Variants in VWDE observed in about 807,000 individuals in gnomAD.
VWDE encodes von Willebrand factor D and EGF domain-containing protein.
A neutral mutation model predicts 178.4 loss-of-function variants in VWDE; 207 were observed. The ratio of observed to expected loss-of-function variants is 1.16; its 90% CI spans 1.04 to 1.30. VWDE has a LOEUF of 1.30. Among genes scored for constraint, VWDE ranks in the 50% most tolerant of loss-of-function variants. VWDE has a pLI of 0.00. For synonymous variants in VWDE, 738 were observed against 651.4 expected (o/e 1.13, Z -2.02); for missense variants, 2,287 against 1,901.3 (o/e 1.20, Z -3.77).
chr7:12,337,952 G>A (rs73292371), intron 24 of VWDE, among the ~76,000 whole-genome samples: 2,839 of 152,146 alleles, frequency 0.019, 83 homozygotes, highest in African/African-American at 0.064. Context: ...GAAATTAAAT[G>A]CAGGCATTTC....
chr7:12,333,152 G>C (rs1780822173), intron 28 of VWDE, among the ~76,000 whole-genome samples: 1 of 152,116 alleles, frequency 6.6e-6, no homozygotes, highest in African/African-American at 2.4e-5. Context: ...ATGTTTTATA[G>C]CACTGGCCCT....
In VWDE at chr7:12,370,786, C is replaced by T. The variant is rs1583317965; in HGVS notation, c.1666G>A (p.Val556Ile). 1 of 1,551,166 alleles carries T rather than the reference C, an allele frequency of 6.4e-7. No individual in the cohort carries two copies. The highest frequency in any genetic ancestry group is 8.7e-7 in the Non-Finnish European group (1 of 1,146,720). ...GMSLTIRAPS[V>I]DYRNTLGLCG... is the part of the protein sequence containing the mutation. ...AGTCCCAGAGTGTTTCTGTAATCTA[C>T]ACTAGGGGCTCTGATCGTTAGACTC... Residue 556 changes from valine (V) to isoleucine (I), a missense_variant, in exon 11 of 29, where the codon GTA becomes ATA. By Grantham distance (29) the Val-to-Ile change is conservative (BLOSUM62 3). Transcript: ENST00000275358.
At position 12,356,171 on chromosome 7, in the gene VWDE, G is replaced by C. The variant is rs1163058830; in HGVS notation, c.3685C>G (p.Leu1229Val). The C allele has an allele frequency of 1.5e-5, 23 of 1,551,340 alleles. No individual in the cohort carries two copies. In the East Asian group the frequency reaches 5.4e-4, roughly 36 times the overall value. ...TGAAAACCACTAATATAGCTGCCAA[G>C]ACCACAAGGGTTGGATTGGCACCCA... The part of the protein sequence containing the change: ...ISGCQSNPCG[L>V]GSYISGFHSY... The change falls in exon 18 of 29, where the codon CTT (leucine) becomes GTT (valine). Residue 1229 changes from leucine to valine, a missense_variant. Transcript: ENST00000275358.
At chr7:12,393,928 G>A (rs755651842) in intron 1 of VWDE, 150 bp from the exon 2 acceptor site, 15 of 572,218 alleles carry the variant, frequency 2.6e-5, no homozygotes, top group African/African-American at 1.9e-4. Context: ...GGGTCTCTTA[G>A]TAAGTCATAA....
intron 26 of VWDE, 77 bp from the exon 27 acceptor site, chr7:12,336,313 T>C (rs1781027676): frequency 8.2e-7 from 1 of 1,223,574 alleles, no homozygotes; most frequent in Non-Finnish European, 1.1e-6. Context: ...AAACTTTTCA[T>C]TAGAGAGAAA....
rs1311974991 is a variant in VWDE at position 12,369,772 on chromosome 7, T to C, written c.2534A>G (p.Lys845Arg). ...TGCTTCTGCCCAACTAAGATCATCTTTTAACAGAACATCCTTCACACACAT... is the reference window on the plus strand; with the variant it reads ...TGCTTCTGCCCAACTAAGATCATCTCTTAACAGAACATCCTTCACACACAT... ...IEMCVKDVLL[K>R]DDLSWAEAGV... Residue 845 changes from lysine to arginine, a missense_variant, in exon 12 of 29, where the codon AAA (lysine) becomes AGA (arginine). Transcript: ENST00000275358. 5.2e-6 allele frequency: 8 copies of C among 1,551,490 alleles called. No homozygotes were observed. The Admixed American group carries it at 9.8e-5, about 19-fold the overall frequency.
chr7:12,383,439 C>A, intron 4 of VWDE, 97 bp downstream of exon 4: 1 of 974,604 alleles, frequency 1.0e-6, no homozygotes, highest in South Asian at 1.5e-5. Flanking sequence ...TATCAAATAT[C>A]AATATAATTC....
At chr7:12,377,398 G>A (rs1347777493) in intron 7 of VWDE, among the ~76,000 whole-genome samples, 2 of 152,010 alleles carry the variant, frequency 1.3e-5, no homozygotes, top group Non-Finnish European at 2.9e-5. Context: ...CTCTCATTGG[G>A]GATGATTTGA....
chr7:12,359,658 A>T lies in VWDE; in HGVS notation c.3194T>A (p.Val1065Asp). Reference sequence around the variant, plus strand: ...GCTGGTTGGATTTTTGTCTCCTTCAACATAGCAGAGTCCATCAATAATGCA... The same window carrying T: ...GCTGGTTGGATTTTTGTCTCCTTCATCATAGCAGAGTCCATCAATAATGCA... ...NVCIIDGLCYVEGDKNPTSPC... is the reference protein window; with the variant it reads ...NVCIIDGLCYDEGDKNPTSPC... The change falls in exon 16 of 29, where the codon GTT becomes GAT. Residue 1065 changes from valine to aspartate, a missense_variant. By Grantham distance (152) the Val-to-Asp change is radical. Transcript: ENST00000275358. 6.5e-7 allele frequency: 1 copy of T among 1,550,206 alleles called. No individual in the cohort carries two copies. Among genetic ancestry groups the T allele is most frequent in the Non-Finnish European group, 8.7e-7 (1 of 1,146,188 alleles).
intron 28 of VWDE, 141 bp downstream of exon 28, chr7:12,333,324 A>G: frequency 1.7e-6 from 1 of 603,730 alleles, no homozygotes; most frequent in Admixed American, 3.4e-5. Context: ...AAAATGATAC[A>G]ATTTTTAATT....
At chr7:12,366,903 A>G (rs554728985) in intron 13 of VWDE, among the ~76,000 whole-genome samples, 13 of 152,192 alleles carry the variant, frequency 8.5e-5, no homozygotes, top group African/African-American at 3.1e-4. Flanking sequence ...AAAGATAAAT[A>G]CTATTTTTTA....
intron 19 of VWDE, among the ~76,000 whole-genome samples, chr7:12,346,316 T>C (rs951604670): frequency 1.9e-4 from 29 of 152,260 alleles, no homozygotes; most frequent in African/African-American, 6.7e-4. Flanking sequence ...ATTTAGAATA[T>C]TGTCAAGGAT....
chr7:12,361,267 T>C lies in VWDE; in HGVS notation c.3055-16A>G. ...CATTAGATACCTGTAACATAATAGT[T>C]CTATAATAAGATGATTTGTTCTAAA... On this transcript the variant is annotated splice_polypyrimidine_tract_variant and intron_variant, in intron 14 of 28. Coordinates refer to ENST00000275358, the MANE Select transcript of VWDE (RefSeq NM_001135924.3). The C allele has an allele frequency of 6.5e-7, 1 of 1,536,844 alleles. No homozygotes were observed. The highest frequency in any genetic ancestry group is 8.8e-7 in the Non-Finnish European group (1 of 1,136,462).
At position 12,343,152 on chromosome 7, in the gene VWDE, C is replaced by T. The variant is rs1781419534; in HGVS notation, c.4105G>A (p.Gly1369Ser). 3 of 1,549,600 alleles carry T rather than the reference C, an allele frequency of 1.9e-6. No homozygotes were observed. The highest frequency in any genetic ancestry group is 2.6e-6 in the Non-Finnish European group (3 of 1,145,616). ...AGATTCCCAGCCAAGCATGTGCCACCATGTTGACAAGGTGGGTTACAATGT... is the reference window on the plus strand; with the variant it reads ...AGATTCCCAGCCAAGCATGTGCCACTATGTTGACAAGGTGGGTTACAATGT... ...EEHCNPPCQH[G>S]GTCLAGNLCT... The change falls in exon 22 of 29, where the codon GGT (glycine) becomes AGT (serine). Residue 1369 changes from glycine (G) to serine (S), a missense_variant. Transcript: ENST00000275358.
At chr7:12,374,935 T>C (rs1479481940) in intron 8 of VWDE, 75 bp downstream of exon 8, 2 of 1,412,146 alleles carry the variant, frequency 1.4e-6, no homozygotes, top group East Asian at 5.0e-5. Flanking sequence ...CATAAAAAGT[T>C]TATAAGACAT....
chr7:12,336,891 C>A, intron 26 of VWDE, 97 bp downstream of exon 26: 3 of 1,201,068 alleles, frequency 2.5e-6, no homozygotes, highest in South Asian at 1.7e-5. Context: ...TTAAAAAGAC[C>A]AAGCAAACAA....
At chr7:12,393,812 T>C in intron 1 of VWDE, 34 bp from the exon 2 acceptor site, 1 of 1,488,962 alleles carries the variant, frequency 6.7e-7, no homozygotes, top group East Asian at 2.5e-5. Context: ...TTATGTAATG[T>C]GTTTTGTTTG....
rs1244274741 is a variant in VWDE at position 12,375,215 on chromosome 7, AG to A, written c.1036del (p.Leu346Ter). The A allele has an allele frequency of 1.0e-5, 16 of 1,550,782 alleles. No homozygotes were observed. The highest frequency in any genetic ancestry group is 1.4e-5 in the Non-Finnish European group (16 of 1,146,380). On this transcript the variant is annotated frameshift_variant, in exon 8 of 29. Coordinates refer to ENST00000275358, the MANE Select transcript of VWDE (RefSeq NM_001135924.3). LOFTEE classifies it high-confidence loss of function. ...LKTIGQGREH[L>X]GLNLALSSCH... ...GGAAGACAGTGCCAAATTTAAGCCTAGGTGCTCTCTACCTATTTAATGAAAA... is the reference window on the plus strand; with the variant it reads ...GGAAGACAGTGCCAAATTTAAGCCTAGTGCTCTCTACCTATTTAATGAAAA...
At position 12,359,610 on chromosome 7, in the gene VWDE, T is replaced by G; in HGVS notation, c.3242A>C (p.Lys1081Thr). 1 of 1,550,330 alleles carries G rather than the reference T, an allele frequency of 6.5e-7. No homozygotes were observed. Among genetic ancestry groups the G allele is most frequent in the African/African-American group, 1.4e-5 (1 of 73,104 alleles). Residue 1081 changes from lysine to threonine, a missense_variant, in exon 16 of 29, where the codon AAA becomes ACA. Physicochemically the swap from Lys to Thr is moderately conservative, Grantham distance 78. Coordinates refer to ENST00000275358, the MANE Select transcript of VWDE (RefSeq NM_001135924.3). ...AAATGACCAAGTAAATCTTGAAATT[T>G]TGGGTCTACAAATCAAACAAGGGCT... Reference protein sequence around the residue: ...PTSPCLICRPKISRFTWSFLE... With the variant: ...PTSPCLICRPTISRFTWSFLE...
Sources: allele counts gnomAD v4.1 joint callset (sites outside exome capture counted in the v4.1 genomes callset), GRCh38; gene constraint gnomAD v4.1.1; transcripts MANE v1.5; gene names NCBI Gene and HGNC (gene_info 2026-07-23, HGNC 2026-07-21).